The following SNTB1 variants were observed in gnomAD, a reference collection of about 807,000 sequenced individuals.
The protein encoded by SNTB1 is beta-1-syntrophin.
A neutral mutation model predicts 48.9 loss-of-function variants in SNTB1; 36 were observed. That is an observed-to-expected ratio of 0.74 (90% confidence interval 0.56 to 0.97). The LOEUF is 0.97. SNTB1 is among the 50% of genes least tolerant of loss of function. The probability of loss-of-function intolerance (pLI) is 0.00; values close to 1 mark genes in which losing one functional copy is unlikely to be tolerated. For missense variants in SNTB1, 786 were observed against 703.4 expected (o/e 1.12, Z -1.33); for synonymous variants, 299 against 294.6 (o/e 1.01, Z -0.15).
chr8:120,673,137 C>T (rs1817782773), intron 2 of SNTB1, among the ~76,000 whole-genome samples: 1 of 152,132 alleles, frequency 6.6e-6, no homozygotes, highest in Admixed American at 6.5e-5. Context: ...CCTGTTATTG[C>T]TAACTTCTAA....
At chr8:120,665,444 C>T (rs908394373) in intron 2 of SNTB1, among the ~76,000 whole-genome samples, 2 of 97,534 alleles carry the variant, frequency 2.1e-5, no homozygotes, top group Middle Eastern at 5.3e-3. Flanking sequence ...AAGACTCCAT[C>T]TCCAAATAAA....
At chr8:120,764,541 T>C (rs1401356234) in intron 1 of SNTB1, among the ~76,000 whole-genome samples, 1 of 152,192 alleles carries the variant, frequency 6.6e-6, no homozygotes, top group Non-Finnish European at 1.5e-5. Flanking sequence ...TGTTTTTTCT[T>C]TTGCCCCTGT....
At chr8:120,617,486 A>G (rs1304314191) in intron 3 of SNTB1, among the ~76,000 whole-genome samples, 1 of 152,206 alleles carries the variant, frequency 6.6e-6, no homozygotes, top group East Asian at 1.9e-4. Context: ...CCACAGATTT[A>G]TAAATACTGG....
chr8:120,682,002 AG>A (rs1240797994), intron 2 of SNTB1, among the ~76,000 whole-genome samples: 2 of 152,262 alleles, frequency 1.3e-5, no homozygotes, highest in Non-Finnish European at 1.5e-5. Context: ...CATCCAAAAA[AG>A]AACAAAATTC....
intron 2 of SNTB1, among the ~76,000 whole-genome samples, chr8:120,635,322 C>T (rs1449444002): frequency 6.6e-6 from 1 of 152,168 alleles, no homozygotes; most frequent in Non-Finnish European, 1.5e-5. Flanking sequence ...TTAATGAGAG[C>T]TCAACGTGTT....
At chr8:120,671,792 A>G (rs1432039902) in intron 2 of SNTB1, among the ~76,000 whole-genome samples, 1 of 152,274 alleles carries the variant, frequency 6.6e-6, no homozygotes, top group African/African-American at 2.4e-5. Flanking sequence ...ACATTTTAAC[A>G]TAAAAAGCTG....
chr8:120,765,385 A>G (rs1299499984), intron 1 of SNTB1, among the ~76,000 whole-genome samples: 18 of 152,208 alleles, frequency 1.2e-4, no homozygotes, highest in Admixed American at 1.2e-3. Flanking sequence ...AATGTCCTTG[A>G]CTGTTGCCCT....
chr8:120,661,062 A>G (rs954189358), intron 2 of SNTB1, among the ~76,000 whole-genome samples: 2 of 152,216 alleles, frequency 1.3e-5, no homozygotes, highest in Non-Finnish European at 2.9e-5. Context: ...ATAGATACAA[A>G]ATAATGAGAA....
intron 4 of SNTB1, among the ~76,000 whole-genome samples, chr8:120,568,142 T>C (rs1255154969): frequency 6.6e-6 from 1 of 152,120 alleles, no homozygotes. Flanking sequence ...CTTTGAATGC[T>C]ACCATTTCTG....
Position 120,632,554 on chromosome 8 carries a change from T to C in SNTB1, c.886A>G (p.Asn296Asp). ...ACTCGGGTCAGCAGGTCATTAACGT[T>C]GGAATGGATGGCACTGAACCATGCC... ...AQAWFSAIHS[N>D]VNDLLTRVIA... The change falls in exon 3 of 7, where the codon AAC becomes GAC. Residue 296 changes from asparagine to aspartate, a missense_variant. Physicochemically the swap from Asn to Asp is conservative, Grantham distance 23. Coordinates refer to ENST00000517992, the MANE Select transcript of SNTB1 (RefSeq NM_021021.4). 1.2e-6 allele frequency: 2 copies of C among 1,614,174 alleles called. No individual in the cohort carries two copies. The highest frequency in any genetic ancestry group is 1.7e-6 in the Non-Finnish European group (2 of 1,180,038).
At chr8:120,655,612 C>G (rs553915996) in intron 2 of SNTB1, among the ~76,000 whole-genome samples, 1 of 152,322 alleles carries the variant, frequency 6.6e-6, no homozygotes, top group African/African-American at 2.4e-5. Context: ...TATGCTCCAT[C>G]TAGCAGGATG....
At chr8:120,589,548 C>T (rs1563825276) in intron 3 of SNTB1, among the ~76,000 whole-genome samples, 1 of 152,182 alleles carries the variant, frequency 6.6e-6, no homozygotes. Flanking sequence ...TAAACAACAA[C>T]ATTATTTCTC....
intron 2 of SNTB1, 38 bp downstream of exon 2, chr8:120,693,654 A>C: frequency 6.4e-7 from 1 of 1,574,622 alleles, no homozygotes; most frequent in Non-Finnish European, 8.7e-7. Context: ...GAGGCCGAGG[A>C]GCTGCTTGAT....
chr8:120,628,037 A>C (rs1816912958), intron 3 of SNTB1, among the ~76,000 whole-genome samples: 2 of 152,212 alleles, frequency 1.3e-5, no homozygotes, highest in South Asian at 4.1e-4. Flanking sequence ...CAACTACATA[A>C]ACGTTCCCAT....
chr8:120,786,569 C>T (rs964364794), intron 1 of SNTB1, among the ~76,000 whole-genome samples: 12 of 152,094 alleles, frequency 7.9e-5, no homozygotes, highest in African/African-American at 2.4e-4. Flanking sequence ...AGGAGGAGTA[C>T]CCTCCAGGTT....
intron 1 of SNTB1, among the ~76,000 whole-genome samples, chr8:120,804,927 C>T (rs1010917131): frequency 2.6e-5 from 4 of 152,188 alleles, no homozygotes; most frequent in African/African-American, 9.7e-5. Flanking sequence ...CACAGCATCT[C>T]ATAATGCCCA....
intron 1 of SNTB1, among the ~76,000 whole-genome samples, chr8:120,699,047 G>T (rs1320265351): frequency 6.6e-6 from 1 of 152,214 alleles, no homozygotes; most frequent in Non-Finnish European, 1.5e-5. Flanking sequence ...TGCTAGGGCA[G>T]CTCTGCTCCC....
rs1397533214 is a variant in SNTB1 at position 120,536,341 on chromosome 8, G to A, written c.*2536C>T. ...AATAATTCATGGGATTGAGCACAGA[G>A]CAAATTGGACAAAAACAAATTCCTC... On this transcript the variant is annotated 3_prime_UTR_variant, in exon 7 of 7. Coordinates refer to ENST00000517992, the MANE Select transcript of SNTB1 (RefSeq NM_021021.4). 6.6e-6 allele frequency: 1 copy of A among 152,182 alleles called. No homozygotes were observed. Among genetic ancestry groups the A allele is most frequent in the Non-Finnish European group, 1.5e-5 (1 of 68,044 alleles). The allele number at this position is 152,182 out of a possible 1,614,324, so 9.4% of individuals were successfully genotyped here. A position where few individuals can be genotyped will look rare whatever the true frequency, so the allele number is the denominator to read the frequency against.
At chr8:120,562,846 A>T (rs10216544) in intron 4 of SNTB1, among the ~76,000 whole-genome samples, 1 of 151,442 alleles carries the variant, frequency 6.6e-6, no homozygotes, top group Non-Finnish European at 1.5e-5. Context: ...TTGTTCTTTC[A>T]CTCTTCACAA....
Sources: allele counts gnomAD v4.1 joint callset (sites outside exome capture counted in the v4.1 genomes callset), GRCh38; gene constraint gnomAD v4.1.1; transcripts MANE v1.5; gene names NCBI Gene and HGNC (gene_info 2026-07-23, HGNC 2026-07-21).